The following CD3G variants were observed in gnomAD, a reference collection of about 807,000 sequenced individuals.
CD3G encodes CD3 gamma subunit of T-cell receptor complex.
In CD3G, 24 loss-of-function variants were observed where a neutral mutation model predicts 28.3. The ratio of observed to expected loss-of-function variants is 0.85; its 90% confidence interval spans 0.61 to 1.19. The LOEUF is 1.19. Among genes scored for constraint, CD3G ranks in the 50% most tolerant of loss-of-function variants. The pLI is 0.00. For synonymous variants in CD3G, 71 were observed against 75.9 expected (o/e 0.93, Z 0.34); for missense variants, 211 against 210.0 (o/e 1.00, Z -0.03).
At chr11:118,351,767 A>G in intron 5 of CD3G, 96 bp downstream of exon 5, 1 of 1,088,280 alleles carries the variant, frequency 9.2e-7, no homozygotes, top group Non-Finnish European at 1.4e-6. Context: ...CTATACAGGT[A>G]AGAAACTGCT....
intron 4 of CD3G, 23 bp from the exon 5 acceptor site, chr11:118,351,605 G>A (rs779937074): frequency 6.2e-7 from 1 of 1,613,384 alleles, no homozygotes; most frequent in South Asian, 1.1e-5. Context: ...ACCTTGTGTG[G>A]ATTCTGTTTC....
chr11:118,353,794 G>C lies in CD3G; in HGVS notation c.*694G>C, dbSNP rs1434165921. ...GATCCGCCCGCCTCAGCCTCCCAAA[G>C]TGCTGGGATTACAGGTGTGAGCCAC... On this transcript the variant is annotated 3_prime_UTR_variant, in exon 7 of 7. Transcript: ENST00000532917. 1 of 152,110 alleles carries C rather than the reference G, an allele frequency of 6.6e-6. No homozygotes were observed. Among genetic ancestry groups the C allele is most frequent in the East Asian group, 1.9e-4 (1 of 5,186 alleles). 9.4% of individuals were successfully genotyped at this position (152,110 alleles called of 1,614,324 possible). A position where few individuals can be genotyped will look rare whatever the true frequency, so the allele number is the denominator to read the frequency against.
chr11:118,347,818 G>A (rs766157305), intron 1 of CD3G, among the ~76,000 whole-genome samples: 9 of 151,986 alleles, frequency 5.9e-5, no homozygotes, highest in Non-Finnish European at 7.4e-5. Context: ...ACAGGGTTTC[G>A]CCATGTTGTC....
chr11:118,353,169 G>A lies in CD3G; in HGVS notation c.*69G>A, dbSNP rs1318306842. ...TCCCAGAATCAAAGCAATGCATTTTGGAAAGCTCCTAGCAGAGAGACTTTC... is the reference window on the plus strand; with the variant it reads ...TCCCAGAATCAAAGCAATGCATTTTAGAAAGCTCCTAGCAGAGAGACTTTC... On this transcript the variant is annotated 3_prime_UTR_variant, in exon 7 of 7. Transcript: ENST00000532917. 6.5e-6 allele frequency: 1 copy of A among 152,768 alleles called. No individual in the cohort carries two copies. Among genetic ancestry groups the A allele is most frequent in the South Asian group, 2.0e-4 (1 of 4,880 alleles). The allele number at this position is 152,768 out of a possible 1,614,324, so 9.5% of individuals were successfully genotyped here.
chr11:118,351,931 A>G (rs781451720), intron 5 of CD3G, among the ~76,000 whole-genome samples: 1 of 151,944 alleles, frequency 6.6e-6, no homozygotes, highest in East Asian at 1.9e-4. Context: ...GGCACTCACT[A>G]TAGACAGGCC....
chr11:118,351,201 A>AT (rs1231750149), intron 4 of CD3G, among the ~76,000 whole-genome samples: 2 of 151,642 alleles, frequency 1.3e-5, no homozygotes, highest in Admixed American at 1.3e-4. Context: ...AAAAAAAAAA[A>AT]AAAAACTATT....
chr11:118,352,145 G>T (rs977296545), intron 5 of CD3G, among the ~76,000 whole-genome samples: 3 of 151,956 alleles, frequency 2.0e-5, no homozygotes, highest in Admixed American at 2.0e-4. Flanking sequence ...GAACCCAGGA[G>T]GTCGAGGTTG....
At chr11:118,349,656 ACTACT>A in intron 2 of CD3G, 82 bp from the exon 3 acceptor site, 3 of 1,013,352 alleles carry the variant, frequency 3.0e-6, no homozygotes, top group African/African-American at 1.6e-5. Flanking sequence ...TTTGAGAAAC[ACTACT>A]CTAATGATCT....
chr11:118,345,040 T>C (rs531579019), intron 1 of CD3G, among the ~76,000 whole-genome samples: 11 of 152,330 alleles, frequency 7.2e-5, no homozygotes, highest in Admixed American at 5.2e-4. Flanking sequence ...GAATACTCCA[T>C]TGGACTATCC....
At chr11:118,352,575 G>A (rs1244814127) in intron 6 of CD3G, 88 bp downstream of exon 6, 11 of 910,734 alleles carry the variant, frequency 1.2e-5, no homozygotes, top group South Asian at 2.6e-5. Flanking sequence ...TTCCCTAAGC[G>A]GCTATAAGCA....
At position 118,354,672 on chromosome 11, in the gene CD3G, T is replaced by G. The variant is rs984470170; in HGVS notation, c.*1572T>G. On this transcript the variant is annotated 3_prime_UTR_variant, in exon 7 of 7. Transcript: ENST00000532917. ...TAATATAGCCATTCTATGGATTTAA[T>G]ATGGTATTTTATTATGGCCTTAATT... The G allele has an allele frequency of 1.3e-5, 2 of 152,094 alleles. No homozygotes were observed. The highest frequency in any genetic ancestry group is 4.8e-5 in the African/African-American group (2 of 41,424). The allele number at this position is 152,094 out of a possible 1,614,324, so 9.4% of individuals were successfully genotyped here.
rs146393315 is a variant in CD3G, at chr11:118,349,027, G to A, written c.56G>A (p.Gly19Asp). The A allele has an allele frequency of 1.2e-3, 1,899 of 1,614,066 alleles. 2 individuals carry two copies. Among genetic ancestry groups the A allele is most frequent in the Non-Finnish European group, 1.4e-3 (1,623 of 1,179,974 alleles). ...CTCTATCTCTCTTCTGTCTTTACAG[G>A]TACTTTGGCCCAGTCAATCAAAGGT... ...VLILAIILLQ[G>D]TLAQSIKGNH... is the part of the protein sequence containing the mutation. Residue 19 changes from glycine to aspartate, a missense_variant and splice_region_variant, in exon 2 of 7, where the codon GGT (glycine) becomes GAT (aspartate). Coordinates refer to ENST00000532917, the MANE Select transcript of CD3G (RefSeq NM_000073.3).
chr11:118,345,116 G>A (rs918824764), intron 1 of CD3G, among the ~76,000 whole-genome samples: 1 of 152,080 alleles, frequency 6.6e-6, no homozygotes, highest in African/African-American at 2.4e-5. Flanking sequence ...TAAAACCATG[G>A]AATTTGCTGA....
At position 118,352,476 on chromosome 11, in the gene CD3G, G is replaced by A. The variant is rs867438305; in HGVS notation, c.*7G>A. On this transcript the variant is annotated 3_prime_UTR_variant, in exon 6 of 7. Transcript: ENST00000532917. ...CCAGTTGAGGAGGAATTGAACTCAG[G>A]ACTCAGAGTAGGTGGGTTCTTCAAT... The A allele has an allele frequency of 6.2e-7, 1 of 1,611,908 alleles. No homozygotes were observed. The highest frequency in any genetic ancestry group is 1.1e-5 in the South Asian group (1 of 91,040).
At chr11:118,352,128 A>G (rs1025763560) in intron 5 of CD3G, among the ~76,000 whole-genome samples, 1 of 152,054 alleles carries the variant, frequency 6.6e-6, no homozygotes. Flanking sequence ...AGGCAGGAGG[A>G]CCACTTGAAC....
At position 118,349,832 on chromosome 11, in the gene CD3G, A is replaced by G; in HGVS notation, c.169A>G (p.Lys57Glu). 6 of 1,614,152 alleles carry G rather than the reference A, an allele frequency of 3.7e-6. No individual in the cohort carries two copies. The highest frequency in any genetic ancestry group is 1.3e-5 in the African/African-American group (1 of 75,046). ...AGAAGCCAAAAATATCACATGGTTT[A>G]AAGATGGGAAGATGATCGGCTTCCT... Reference protein sequence around the residue: ...DAEAKNITWFKDGKMIGFLTE... With the variant: ...DAEAKNITWFEDGKMIGFLTE... Residue 57 changes from lysine (K) to glutamate (E), a missense_variant, in exon 3 of 7, where the codon AAA becomes GAA. Transcript: ENST00000532917.
At chr11:118,352,837 G>A (rs1591286481) in intron 6 of CD3G, among the ~76,000 whole-genome samples, 1 of 152,162 alleles carries the variant, frequency 6.6e-6, no homozygotes, top group East Asian at 1.9e-4. Flanking sequence ...GTGCATTGTA[G>A]GAGTTATGGA....
chr11:118,351,776 C>T, intron 5 of CD3G, 105 bp downstream of exon 5: 1 of 978,876 alleles, frequency 1.0e-6, no homozygotes, highest in Non-Finnish European at 1.6e-6. Flanking sequence ...TAAGAAACTG[C>T]TAACAGCATA....
Position 118,349,881 on chromosome 11 carries a change from A to G in CD3G, c.218A>G (p.Asn73Ser), listed in dbSNP as rs1218235638. The change falls in exon 3 of 7, where the codon AAT becomes AGT. Residue 73 changes from asparagine to serine, a missense_variant. By Grantham distance (46) the Asn-to-Ser change is conservative (BLOSUM62 1). Transcript: ENST00000532917. The stretch of plus-strand genomic sequence containing the variant: ...CTAACTGAAGATAAAAAAAAATGGA[A>G]TCTGGGAAGTAATGCCAAGGACCCT... ...GFLTEDKKKW[N>S]LGSNAKDPRG... is the part of the protein sequence containing the mutation. 1 of 1,614,030 alleles carries G rather than the reference A, an allele frequency of 6.2e-7. No individual in the cohort carries two copies. Among genetic ancestry groups the G allele is most frequent in the East Asian group, 2.2e-5 (1 of 44,894 alleles).
Sources: gnomAD v4.1 joint callset for allele counts (sites outside exome capture counted in the v4.1 genomes callset) on GRCh38, gnomAD v4.1.1 for gene constraint, MANE v1.5 for transcripts, NCBI Gene and HGNC (gene_info 2026-07-23, HGNC 2026-07-21) for gene names.